PTPRG: variants seen among roughly 807,000 people sequenced by gnomAD.
The protein encoded by PTPRG is receptor-type tyrosine-protein phosphatase gamma.
Under a neutral mutation model 165.3 loss-of-function variants are expected in PTPRG, and 102 were observed. That is an observed-to-expected ratio of 0.62 (90% CI 0.53 to 0.73). The LOEUF (loss-of-function observed/expected upper bound fraction) is 0.73, where lower values mean the gene tolerates loss of function less well. PTPRG is among the 30% of genes least tolerant of loss of function. The pLI, the probability that PTPRG is intolerant of heterozygous loss-of-function variation, is 0.00. For synonymous variants in PTPRG, 675 were observed against 669.5 expected, an observed-to-expected ratio of 1.01 and a Z score of -0.13; for missense variants, 1,866 against 1,861.4, an observed-to-expected ratio of 1.00 and a Z score of -0.05.
rs536368953 is a variant in PTPRG at position 61,645,339 on chromosome 3, C to T, written c.85+82967C>T. On this transcript the variant is annotated intron_variant, in intron 1 of 29. Transcript: ENST00000474889. ...GTTTGCCCACCTGTTGTTTGGAACT[C>T]CTTTCTAGGTTTTGGCCTTAACTGA... Among the ~76,000 whole-genome samples the T allele has an allele frequency of 4.6e-5, 7 of 152,314 alleles. No homozygotes were observed. In the South Asian group the frequency reaches 1.5e-3, roughly 32 times the overall value.
intron 1 of PTPRG, among the ~76,000 whole-genome samples, chr3:61,566,715 C>A (rs1699923692): frequency 6.6e-6 from 1 of 152,204 alleles, no homozygotes; most frequent in African/African-American, 2.4e-5. Flanking sequence ...CCATGTTGGC[C>A]AGGGTGGTCT....
At chr3:61,652,733 T>C (rs888031432) in intron 1 of PTPRG, among the ~76,000 whole-genome samples, 1 of 152,232 alleles carries the variant, frequency 6.6e-6, no homozygotes, top group Non-Finnish European at 1.5e-5. Context: ...GGAGCTCTTC[T>C]GTGCATTGTA....
chr3:61,948,639 T>C (rs2039823184), intron 2 of PTPRG, among the ~76,000 whole-genome samples: 1 of 151,992 alleles, frequency 6.6e-6, no homozygotes, highest in African/African-American at 2.4e-5. Context: ...GAACAGGAGA[T>C]TCTATTAGAG....
intron 10 of PTPRG, 58 bp from the exon 11 acceptor site, chr3:62,201,447 T>A: frequency 7.4e-7 from 1 of 1,358,606 alleles, no homozygotes; most frequent in Non-Finnish European, 1.0e-6. Flanking sequence ...ATAAGGAATA[T>A]CTTGTTAGAG....
intron 2 of PTPRG, among the ~76,000 whole-genome samples, chr3:61,804,534 A>G (rs2035352617): frequency 6.6e-6 from 1 of 152,298 alleles, no homozygotes; most frequent in Middle Eastern, 3.4e-3. Flanking sequence ...TTTTGTATGA[A>G]AGGGTTAACA....
intron 4 of PTPRG, among the ~76,000 whole-genome samples, chr3:62,035,073 C>G (rs899596193): frequency 6.6e-6 from 1 of 152,084 alleles, no homozygotes; most frequent in Non-Finnish European, 1.5e-5. Context: ...CAAGTTAGCT[C>G]TGCTAGATCA....
intron 1 of PTPRG, among the ~76,000 whole-genome samples, chr3:61,599,036 A>G (rs1293258392): frequency 6.6e-6 from 1 of 152,200 alleles, no homozygotes. Flanking sequence ...ATGGATAGGA[A>G]GATAGCTAGT....
intron 1 of PTPRG, among the ~76,000 whole-genome samples, chr3:61,675,220 A>G (rs1703180980): frequency 6.6e-6 from 1 of 152,132 alleles, no homozygotes; most frequent in African/African-American, 2.4e-5. Context: ...CCCCTTAATG[A>G]TACATTTATG....
chr3:61,908,611 C>A (rs1427472800), intron 2 of PTPRG, among the ~76,000 whole-genome samples: 2 of 152,048 alleles, frequency 1.3e-5, no homozygotes, highest in Non-Finnish European at 2.9e-5. Context: ...AACCCTGGAA[C>A]CTTCTGCTTC....
chr3:61,629,192 T>C (rs1701697654), intron 1 of PTPRG, among the ~76,000 whole-genome samples: 1 of 152,298 alleles, frequency 6.6e-6, no homozygotes, highest in South Asian at 2.1e-4. Context: ...TCTTGCTCTG[T>C]CATCCAGGCT....
intron 2 of PTPRG, among the ~76,000 whole-genome samples, chr3:61,849,530 G>A (rs972693053): frequency 6.6e-6 from 1 of 152,180 alleles, no homozygotes; most frequent in Non-Finnish European, 1.5e-5. Context: ...TGAGATTTAC[G>A]CTCGCTGACT....
At chr3:61,699,623 A>G (rs1013528364) in intron 1 of PTPRG, among the ~76,000 whole-genome samples, 3 of 152,216 alleles carry the variant, frequency 2.0e-5, no homozygotes, top group East Asian at 1.9e-4. Context: ...TAGAAGGCAT[A>G]TTTAGTCATG....
At chr3:61,682,010 C>A (rs113778678) in intron 1 of PTPRG, among the ~76,000 whole-genome samples, 7 of 151,690 alleles carry the variant, frequency 4.6e-5, no homozygotes, top group Non-Finnish European at 7.4e-5. Flanking sequence ...ATTAGCCAGG[C>A]GTGGGGTGCA....
At chr3:61,579,667 C>CTGTTCATACAGATCCA (rs1700239219) in intron 1 of PTPRG, among the ~76,000 whole-genome samples, 1 of 152,224 alleles carries the variant, frequency 6.6e-6, no homozygotes, top group Admixed American at 6.5e-5. Flanking sequence ...TGTGGTGTTT[C>CTGTTCATACAGATCCA]TGTTCATACA....
At chr3:61,868,706 A>G (rs1269178831) in intron 2 of PTPRG, among the ~76,000 whole-genome samples, 1 of 152,206 alleles carries the variant, frequency 6.6e-6, no homozygotes, top group Non-Finnish European at 1.5e-5. Flanking sequence ...TTGAGTCAGC[A>G]CAAATAAAGC....
chr3:61,936,547 A>C (rs2039489983), intron 2 of PTPRG, among the ~76,000 whole-genome samples: 1 of 152,188 alleles, frequency 6.6e-6, no homozygotes, highest in Non-Finnish European at 1.5e-5. Flanking sequence ...CTACTGGTCA[A>C]AACAGAGCTG....
At chr3:62,066,440 C>A (rs1406469825) in intron 4 of PTPRG, among the ~76,000 whole-genome samples, 1 of 152,132 alleles carries the variant, frequency 6.6e-6, no homozygotes, top group Non-Finnish European at 1.5e-5. Context: ...TTCCAGACTT[C>A]ATTTCATGGT....
intron 1 of PTPRG, among the ~76,000 whole-genome samples, chr3:61,716,786 G>A (rs1224474570): frequency 1.3e-5 from 2 of 152,094 alleles, no homozygotes; most frequent in Admixed American, 1.3e-4. Context: ...GCCTGGCCAA[G>A]ATGGTGAAAC....
chr3:61,964,840 G>A (rs1429601031), intron 2 of PTPRG, among the ~76,000 whole-genome samples: 3 of 151,968 alleles, frequency 2.0e-5, no homozygotes, highest in East Asian at 1.9e-4. Flanking sequence ...ATCACATACT[G>A]TCTCATTGAC....
Sources: gnomAD v4.1 joint callset for allele counts (sites outside exome capture counted in the v4.1 genomes callset) on GRCh38, gnomAD v4.1.1 for gene constraint, MANE v1.5 for transcripts, NCBI Gene and HGNC (gene_info 2026-07-23, HGNC 2026-07-21) for gene names.